The following GET3 variants were observed in gnomAD, a reference collection of about 807,000 sequenced individuals.
GET3 encodes guided entry of tail-anchored proteins factor 3, ATPase.
In GET3, 15 loss-of-function variants were observed where a neutral mutation model predicts 32.4. The observed-to-expected ratio is 0.46, with a 90% CI of 0.31 to 0.71. The LOEUF (loss-of-function observed/expected upper bound fraction) is 0.71, where lower values mean the gene tolerates loss of function less well. GET3 is among the 30% of genes least tolerant of loss of function. The pLI is 0.05. For synonymous variants in GET3, 198 were observed against 185.6 expected, an observed-to-expected ratio of 1.07 and a Z score of -0.54; for missense variants, 333 against 459.0, an observed-to-expected ratio of 0.73 and a Z score of 2.51.
intron 2 of GET3, among the ~76,000 whole-genome samples, chr19:12,742,073 T>C (rs1329582929): frequency 6.6e-6 from 1 of 152,002 alleles, no homozygotes; most frequent in African/African-American, 2.4e-5. Flanking sequence ...AAGACCAGCC[T>C]GGGCAACAAA....
At chr19:12,741,219 G>A (rs1967661312) in intron 2 of GET3, among the ~76,000 whole-genome samples, 2 of 152,092 alleles carry the variant, frequency 1.3e-5, no homozygotes. Context: ...CACTCTGGGA[G>A]GCCGAGGTGG....
intron 2 of GET3, among the ~76,000 whole-genome samples, chr19:12,744,376 A>G (rs1339968854): frequency 6.6e-6 from 1 of 151,192 alleles, no homozygotes; most frequent in Non-Finnish European, 1.5e-5. Context: ...CTGGAGTGTA[A>G]TGGCGTGATC....
chr19:12,738,387 C>G, intron 1 of GET3, 124 bp from the exon 2 acceptor site: 7 of 1,189,642 alleles, frequency 5.9e-6, no homozygotes, highest in South Asian at 1.4e-5. Context: ...ATAACCCATA[C>G]TCTCCTCTCA....
intron 2 of GET3, among the ~76,000 whole-genome samples, chr19:12,744,545 C>T (rs1967734945): frequency 6.6e-6 from 1 of 152,150 alleles, no homozygotes; most frequent in South Asian, 2.1e-4. Context: ...GCCTCAAGCT[C>T]CCGACCTCAG....
intron 1 of GET3, 140 bp downstream of exon 1, chr19:12,737,806 T>C: frequency 2.6e-6 from 3 of 1,169,558 alleles, no homozygotes; most frequent in Non-Finnish European, 3.4e-6. Context: ...GGAAGTTACC[T>C]GGAGCAAATG....
intron 1 of GET3, 37 bp downstream of exon 1, chr19:12,737,703 G>GT (rs758651176): frequency 8.2e-6 from 13 of 1,575,768 alleles, no homozygotes; most frequent in Non-Finnish European, 1.1e-5. Flanking sequence ...AGGCGTGTAG[G>GT]ATATACCACT....
upstream of GET3, chr19:12,737,436 G>A: frequency 7.2e-7 from 1 of 1,391,256 alleles, no homozygotes; most frequent in Non-Finnish European, 9.3e-7. Context: ...CGCTAGGAAT[G>A]TGATAGAGAA....
In GET3 at chr19:12,745,863, C is replaced by T. The variant is rs1568349800; in HGVS notation, c.609+104C>T. Reference sequence around the variant, plus strand: ...GCGCACTAACAATTCCCTTTCCTTCCCACCCCTTCTCACTCTGGACTTCTC... The same window carrying T: ...GCGCACTAACAATTCCCTTTCCTTCTCACCCCTTCTCACTCTGGACTTCTC... On this transcript the variant is annotated intron_variant, in intron 4 of 6. Transcript: ENST00000357332. This position sits in a 1 kb window ranked among gnomAD's most constrained non-coding sequence, Gnocchi z 5.0. 2 of 1,411,904 alleles carry T rather than the reference C, an allele frequency of 1.4e-6. No individual in the cohort carries two copies. Among genetic ancestry groups the T allele is most frequent in the East Asian group, 2.4e-5 (1 of 41,852 alleles). The allele number at this position is 1,411,904 out of a possible 1,614,324, so 87.5% of individuals were successfully genotyped here.
chr19:12,748,176 T>G lies in GET3; in HGVS notation c.*72T>G. On this transcript the variant is annotated 3_prime_UTR_variant, in exon 7 of 7. Coordinates refer to ENST00000357332, the MANE Select transcript of GET3 (RefSeq NM_004317.4). The stretch of plus-strand genomic sequence containing the variant: ...CCTCCCCACCCCCTCGGGGCAGAGT[T>G]TGCACAAAGTCCCCCCCATAATACA... 7.0e-7 allele frequency: 1 copy of G among 1,425,116 alleles called. No individual in the cohort carries two copies. The highest frequency in any genetic ancestry group is 9.3e-7 in the Non-Finnish European group (1 of 1,071,750). 88.3% of individuals were successfully genotyped at this position (1,425,116 alleles called of 1,614,324 possible).
intron 2 of GET3, among the ~76,000 whole-genome samples, chr19:12,740,273 C>T (rs1044100835): frequency 2.0e-5 from 3 of 152,000 alleles, no homozygotes; most frequent in African/African-American, 4.8e-5. Flanking sequence ...CCCAGCTGCT[C>T]AGGAGGCTGA....
intron 2 of GET3, among the ~76,000 whole-genome samples, chr19:12,743,067 G>A (rs1367524438): frequency 2.0e-5 from 3 of 152,300 alleles, no homozygotes; most frequent in South Asian, 2.1e-4. Context: ...AGAAGAGGGT[G>A]CAGTGATGAG....
intron 2 of GET3, among the ~76,000 whole-genome samples, chr19:12,739,569 A>G (rs1422322890): frequency 6.6e-6 from 1 of 152,214 alleles, no homozygotes; most frequent in Non-Finnish European, 1.5e-5. Context: ...GGATGGGGAA[A>G]ACTAGGAAAG....
Position 12,742,254 on chromosome 19 carries a change from C to CT in GET3, c.310-3122dup, listed in dbSNP as rs1295731387. On this transcript the variant is annotated intron_variant, in intron 2 of 6. Transcript: ENST00000357332. ...ATCTTTTTTTTTTTTTTTTTTGAGA[C>CT]TGAGTTTCACTCTGTCACCCAGGCT... Among the ~76,000 whole-genome samples the CT allele has an allele frequency of 9.3e-5, 13 of 140,520 alleles. No homozygotes were observed. In the South Asian group the frequency reaches 1.1e-3, roughly 12 times the overall value. 92.2% of individuals were successfully genotyped at this position (140,520 alleles called of 152,430 possible).
rs1225283299 is a variant in GET3, at chr19:12,745,197, C to G, written c.310-180C>G. On this transcript the variant is annotated intron_variant, in intron 2 of 6. Transcript: ENST00000357332. This position sits in a 1 kb window ranked among gnomAD's most constrained non-coding sequence, Gnocchi z 5.0. ...GACCCTTTATGCAACCATACAAAAC[C>G]CTAAGTACTACCTCAGGGTCCCCCC... Among the ~76,000 whole-genome samples, 1 of 152,040 alleles carries G rather than the reference C, an allele frequency of 6.6e-6. No homozygotes were observed. Among genetic ancestry groups the G allele is most frequent in the Non-Finnish European group, 1.5e-5 (1 of 67,994 alleles).
At chr19:12,738,033 G>A (rs1224529189) in intron 1 of GET3, among the ~76,000 whole-genome samples, 1 of 152,130 alleles carries the variant, frequency 6.6e-6, no homozygotes, top group East Asian at 1.9e-4. Flanking sequence ...TATGCCCAAG[G>A]CGAGAGTGAG....
At chr19:12,741,541 C>T (rs1967669401) in intron 2 of GET3, among the ~76,000 whole-genome samples, 1 of 151,100 alleles carries the variant, frequency 6.6e-6, no homozygotes, top group South Asian at 2.1e-4. Flanking sequence ...GGCAGATCAC[C>T]TGAGGTCGGG....
At chr19:12,742,838 C>T (rs114290282) in intron 2 of GET3, among the ~76,000 whole-genome samples, 4,349 of 152,016 alleles carry the variant, frequency 0.029, 201 homozygotes, top group African/African-American at 0.098. Flanking sequence ...TGAGCTACCG[C>T]GCCCGGCCAA....
At chr19:12,743,160 G>T (rs935209355) in intron 2 of GET3, among the ~76,000 whole-genome samples, 2 of 152,208 alleles carry the variant, frequency 1.3e-5, no homozygotes, top group South Asian at 4.1e-4. Context: ...TTACCAAGAA[G>T]AGGTGACAGA....
At chr19:12,737,428 CT>C, upstream of GET3, 5 of 1,372,740 alleles carry the variant, frequency 3.6e-6, no homozygotes, top group Non-Finnish European at 4.7e-6. Flanking sequence ...CCTAGCTTCG[CT>C]AGGAATGTGA....
Sources: gnomAD v4.1 joint callset for allele counts (sites outside exome capture counted in the v4.1 genomes callset) on GRCh38, gnomAD v4.1.1 for gene constraint, Gnocchi (gnomAD v3.1) non-coding constraint, MANE v1.5 for transcripts, NCBI Gene and HGNC (gene_info 2026-07-23, HGNC 2026-07-21) for gene names.